BMPR1B: variants seen among roughly 807,000 people sequenced by gnomAD.
BMPR1B encodes bone morphogenetic protein receptor type-1B.
A neutral mutation model predicts 59.1 loss-of-function variants in BMPR1B; 12 were observed. The observed-to-expected ratio is 0.20, with a 90% confidence interval of 0.13 to 0.33. The LOEUF is 0.33. Ranked by LOEUF, BMPR1B falls within the 10% of genes least tolerant of loss-of-function variation. BMPR1B has a pLI of 1.00. For synonymous variants in BMPR1B, 237 were observed against 207.3 expected (o/e 1.14, Z -1.23); for missense variants, 550 against 610.9 (o/e 0.90, Z 1.05).
chr4:94,957,906 G>A (rs1482804694), intron 2 of BMPR1B, among the ~76,000 whole-genome samples: 2 of 151,686 alleles, frequency 1.3e-5, no homozygotes, highest in Admixed American at 1.3e-4. Flanking sequence ...GAAATAAGAA[G>A]CGTAGATGGA....
At chr4:94,970,198 T>C (rs1208427021) in intron 2 of BMPR1B, among the ~76,000 whole-genome samples, 1 of 152,170 alleles carries the variant, frequency 6.6e-6, no homozygotes, top group Non-Finnish European at 1.5e-5. Context: ...GATTTATCTG[T>C]AGTTAAGCCA....
At chr4:95,041,230 G>T (rs1725631926) in intron 3 of BMPR1B, among the ~76,000 whole-genome samples, 1 of 151,938 alleles carries the variant, frequency 6.6e-6, no homozygotes, top group Admixed American at 6.6e-5. Flanking sequence ...TTTGTTTTTA[G>T]TAGCGATAAG....
chr4:94,828,989 T>TAA (rs61605288), intron 1 of BMPR1B, among the ~76,000 whole-genome samples: 1 of 144,336 alleles, frequency 6.9e-6, no homozygotes, highest in African/African-American at 2.5e-5. Context: ...GAGAAGTCAT[T>TAA]AAAAAAAAAA....
chr4:94,957,602 T>TCTA, intron 2 of BMPR1B, among the ~76,000 whole-genome samples: 1 of 152,192 alleles, frequency 6.6e-6, no homozygotes, highest in East Asian at 1.9e-4. Context: ...GGCCCACCTT[T>TCTA]CTACTGTTCC....
intron 3 of BMPR1B, among the ~76,000 whole-genome samples, chr4:94,997,985 A>G (rs1242757454): frequency 3.3e-5 from 5 of 152,188 alleles, no homozygotes; most frequent in Non-Finnish European, 7.4e-5. Context: ...AAAACAAGGC[A>G]AGCAAATAAA....
intron 1 of BMPR1B, among the ~76,000 whole-genome samples, chr4:94,855,864 AATTG>A (rs1237604553): frequency 1.3e-5 from 2 of 152,208 alleles, no homozygotes; most frequent in Non-Finnish European, 1.5e-5. Context: ...GAGAGGTCTG[AATTG>A]ATTATTTAAA....
At chr4:94,815,860 T>C (rs1723990918) in intron 1 of BMPR1B, among the ~76,000 whole-genome samples, 1 of 152,244 alleles carries the variant, frequency 6.6e-6, no homozygotes, top group South Asian at 2.1e-4. Flanking sequence ...TCTGCACTTT[T>C]GGCAATTAGT....
chr4:94,830,229 C>T (rs1288603449), intron 1 of BMPR1B, among the ~76,000 whole-genome samples: 6 of 151,946 alleles, frequency 3.9e-5, no homozygotes, highest in Non-Finnish European at 8.8e-5. Flanking sequence ...TTAGAAAAAA[C>T]ATTAGAAATG....
intron 2 of BMPR1B, among the ~76,000 whole-genome samples, chr4:94,883,369 C>T (rs1727054503): frequency 6.6e-6 from 1 of 152,134 alleles, no homozygotes; most frequent in East Asian, 1.9e-4. Context: ...ATCATGTTAA[C>T]ATTATAGATG....
At chr4:94,845,030 G>A (rs1305543716) in intron 1 of BMPR1B, among the ~76,000 whole-genome samples, 1 of 152,090 alleles carries the variant, frequency 6.6e-6, no homozygotes, top group Non-Finnish European at 1.5e-5. Context: ...CTTCTTGTAA[G>A]CATTTCTCTG....
intron 2 of BMPR1B, among the ~76,000 whole-genome samples, chr4:94,908,061 T>TAAAAAAAAAAAAAAAAAAA (rs571793477): frequency 2.2e-4 from 10 of 46,252 alleles, no homozygotes; most frequent in Non-Finnish European, 3.1e-4. Flanking sequence ...ACCCTGTCTT[T>TAAAAAAAAAAAAAAAAAAA]AAAAAAAAAA....
intron 2 of BMPR1B, among the ~76,000 whole-genome samples, chr4:94,945,369 T>C (rs1229198512): frequency 6.6e-6 from 1 of 152,198 alleles, no homozygotes; most frequent in Admixed American, 6.5e-5. Flanking sequence ...AATATGATGA[T>C]GGGAAAAACA....
At chr4:95,005,059 T>C (rs1254110195) in intron 3 of BMPR1B, among the ~76,000 whole-genome samples, 1 of 152,150 alleles carries the variant, frequency 6.6e-6, no homozygotes, top group Non-Finnish European at 1.5e-5. Flanking sequence ...CAAAGCACAA[T>C]GTGAGTTTAA....
intron 10 of BMPR1B, among the ~76,000 whole-genome samples, chr4:95,135,713 G>A (rs1733724433): frequency 6.6e-6 from 1 of 152,198 alleles, no homozygotes; most frequent in South Asian, 2.1e-4. Flanking sequence ...CATTGATTTT[G>A]TATCCTGAGA....
At chr4:95,067,104 T>C (rs1471679409) in intron 3 of BMPR1B, among the ~76,000 whole-genome samples, 1 of 152,210 alleles carries the variant, frequency 6.6e-6, no homozygotes, top group East Asian at 1.9e-4. Flanking sequence ...TTAATAGAAC[T>C]TTGGAATTTT....
intron 2 of BMPR1B, among the ~76,000 whole-genome samples, chr4:94,935,010 G>GA (rs201537568): frequency 8.6e-5 from 13 of 151,682 alleles, no homozygotes; most frequent in East Asian, 1.9e-4. Context: ...CTAAGTCATA[G>GA]AAAAAAAATA....
At chr4:94,990,961 CT>C (rs1427344338) in intron 2 of BMPR1B, among the ~76,000 whole-genome samples, 1 of 152,086 alleles carries the variant, frequency 6.6e-6, no homozygotes, top group Non-Finnish European at 1.5e-5. Context: ...AGTGCTTTTT[CT>C]TTTGTAATAA....
At chr4:95,064,396 TGTGCATGCAAGG>T (rs2149210149) in intron 3 of BMPR1B, among the ~76,000 whole-genome samples, 1 of 152,130 alleles carries the variant, frequency 6.6e-6, no homozygotes, top group East Asian at 1.9e-4. Context: ...TGTTGTGAAC[TGTGCATGCAAGG>T]GTTCATGCAC....
At chr4:95,091,031 G>A (rs541569164) in intron 3 of BMPR1B, among the ~76,000 whole-genome samples, 1 of 152,134 alleles carries the variant, frequency 6.6e-6, no homozygotes, top group Non-Finnish European at 1.5e-5. Flanking sequence ...ATTGGTTTGT[G>A]AAATTGAGAT....
Sources: allele counts gnomAD v4.1 joint callset (sites outside exome capture counted in the v4.1 genomes callset), GRCh38; gene constraint gnomAD v4.1.1; transcripts MANE v1.5; gene names NCBI Gene and HGNC (gene_info 2026-07-23, HGNC 2026-07-21).